CPSF6: variants seen among roughly 807,000 people sequenced by gnomAD.
The protein encoded by CPSF6 is cleavage and polyadenylation specific factor 6, also known as cleavage and polyadenylation specificity factor subunit 6.
A neutral mutation model predicts 56.7 loss-of-function variants in CPSF6; 10 were observed. The ratio of observed to expected loss-of-function variants is 0.18; its 90% CI spans 0.11 to 0.30. The LOEUF (loss-of-function observed/expected upper bound fraction) is 0.30, where lower values mean the gene tolerates loss of function less well. Ranked by LOEUF, CPSF6 falls within the 10% of genes least tolerant of loss-of-function variation. CPSF6 has a pLI of 1.00. For synonymous variants in CPSF6, 248 were observed against 244.8 expected, an observed-to-expected ratio of 1.01 and a Z score of -0.12; for missense variants, 419 against 722.9, an observed-to-expected ratio of 0.58 and a Z score of 4.82.
At chr12:69,250,839 G>A (rs1872209173) in intron 1 of CPSF6, among the ~76,000 whole-genome samples, 1 of 152,006 alleles carries the variant, frequency 6.6e-6, no homozygotes, top group African/African-American at 2.4e-5. Flanking sequence ...TAGAGACAGG[G>A]CTTCATCATG....
chr12:69,246,426 T>A (rs576596767), intron 1 of CPSF6, among the ~76,000 whole-genome samples: 102 of 152,318 alleles, frequency 6.7e-4, no homozygotes, highest in Non-Finnish European at 6.8e-4. Context: ...GCTAGAACTC[T>A]TCTCTATTTT....
At chr12:69,243,169 T>G (rs1871712670) in intron 1 of CPSF6, among the ~76,000 whole-genome samples, 1 of 152,200 alleles carries the variant, frequency 6.6e-6, no homozygotes, top group South Asian at 2.1e-4. Context: ...ATACAAAGTT[T>G]AGGTAGTCTC....
intron 1 of CPSF6, among the ~76,000 whole-genome samples, chr12:69,249,299 T>A (rs966793585): frequency 2.6e-5 from 4 of 151,360 alleles, no homozygotes; most frequent in Non-Finnish European, 1.5e-5. Flanking sequence ...AAATTAAAAT[T>A]AAAAAAATAC....
chr12:69,255,208 TGCATCA>T (rs1276284665), intron 3 of CPSF6: 1 of 152,276 alleles, frequency 6.6e-6, no homozygotes, highest in Non-Finnish European at 1.5e-5. Flanking sequence ...TGTTGAAGCA[TGCATCA>T]GCATTTCTTT....
At chr12:69,261,546 CAG>C (rs145743607) in intron 8 of CPSF6, among the ~76,000 whole-genome samples, 100 of 149,074 alleles carry the variant, frequency 6.7e-4, no homozygotes, top group Non-Finnish European at 7.0e-4. Flanking sequence ...GCCTGGGTGA[CAG>C]AGAGAGAGAG....
chr12:69,243,360 C>G (rs1871722661), intron 1 of CPSF6, among the ~76,000 whole-genome samples: 1 of 152,174 alleles, frequency 6.6e-6, no homozygotes, highest in South Asian at 2.1e-4. Flanking sequence ...GTAAACTGTT[C>G]TACAATCATG....
chr12:69,241,283 T>G (rs1871602386), intron 1 of CPSF6, among the ~76,000 whole-genome samples: 1 of 152,222 alleles, frequency 6.6e-6, no homozygotes, highest in African/African-American at 2.4e-5. Flanking sequence ...ACTTGAGTTG[T>G]GTCCATTACA....
chr12:69,241,643 A>G (rs566423732), intron 1 of CPSF6, among the ~76,000 whole-genome samples: 2 of 152,358 alleles, frequency 1.3e-5, no homozygotes, highest in Non-Finnish European at 2.9e-5. Flanking sequence ...TGCAGTAGCA[A>G]GTGCTGACTG....
At chr12:69,259,903 C>A in intron 7 of CPSF6, 141 bp from the exon 8 acceptor site, 1 of 825,550 alleles carries the variant, frequency 1.2e-6, no homozygotes, top group South Asian at 1.7e-5. Flanking sequence ...TGGTGAAACA[C>A]TGAAAGAAGA....
At chr12:69,264,430 A>G (rs1275849095) in intron 9 of CPSF6, among the ~76,000 whole-genome samples, 1 of 152,114 alleles carries the variant, frequency 6.6e-6, no homozygotes, top group African/African-American at 2.4e-5. Context: ...AACAAAGTCC[A>G]TTGTTAATCT....
chr12:69,240,235 C>A (rs1463550031), intron 1 of CPSF6, among the ~76,000 whole-genome samples: 1 of 152,186 alleles, frequency 6.6e-6, no homozygotes, highest in African/African-American at 2.4e-5. Context: ...CATGGAAGGC[C>A]GCGTTCACGG....
At chr12:69,264,095 T>TA (rs1253775933) in intron 9 of CPSF6, among the ~76,000 whole-genome samples, 1 of 152,082 alleles carries the variant, frequency 6.6e-6, no homozygotes, top group Non-Finnish European at 1.5e-5. Context: ...TCCCCTGAGT[T>TA]AAATACATCT....
intron 1 of CPSF6, among the ~76,000 whole-genome samples, chr12:69,250,822 T>C (rs939779628): frequency 2.0e-5 from 3 of 152,048 alleles, no homozygotes; most frequent in African/African-American, 7.2e-5. Context: ...AATTTTTGTA[T>C]GTTTAGTAGA....
rs1872640854 is a variant in CPSF6 at position 69,259,197 on chromosome 12, A to C, written c.1199+103A>C. The C allele has an allele frequency of 1.2e-5, 16 of 1,358,478 alleles. No individual in the cohort carries two copies. In the South Asian group the frequency reaches 2.4e-4, roughly 20 times the overall value. The allele number at this position is 1,358,478 out of a possible 1,614,324, so 84.2% of individuals were successfully genotyped here. A position where few individuals can be genotyped will look rare whatever the true frequency, so the allele number is the denominator to read the frequency against. On this transcript the variant is annotated intron_variant, in intron 6 of 9. Coordinates refer to ENST00000435070, the MANE Select transcript of CPSF6 (RefSeq NM_007007.3). The stretch of plus-strand genomic sequence containing the variant: ...TATAAATATGTTATTTCTGCCTTCC[A>C]AGAAGATGAGGTGTTTAAGCTGCTA...
In CPSF6 at chr12:69,274,109, C is replaced by CTTTTTTTTTTTTTTTTT. The variant is rs3051104; in HGVS notation, c.*4603_*4619dup. 8.4e-6 allele frequency: 1 copy of CTTTTTTTTTTTTTTTTT among 119,088 alleles called. No individual in the cohort carries two copies. The highest frequency in any genetic ancestry group is 1.7e-5 in the Non-Finnish European group (1 of 58,930). 7.4% of individuals were successfully genotyped at this position (119,088 alleles called of 1,614,324 possible). Reference sequence around the variant, plus strand: ...GTAAGGTGATAATTGATCTAATAGACTTTTTTTTTTTTTTTTTTGCTGTCC... The same window carrying CTTTTTTTTTTTTTTTTT: ...GTAAGGTGATAATTGATCTAATAGACTTTTTTTTTTTTTTTTTTTTTTTTTTTTTTTTTTTGCTGTCC... On this transcript the variant is annotated 3_prime_UTR_variant, in exon 10 of 10. Coordinates refer to ENST00000435070, the MANE Select transcript of CPSF6 (RefSeq NM_007007.3).
At chr12:69,245,155 C>T in intron 1 of CPSF6, among the ~76,000 whole-genome samples, 1 of 149,670 alleles carries the variant, frequency 6.7e-6, no homozygotes, top group Middle Eastern at 3.3e-3. Context: ...ATACATAAAC[C>T]AGTAACACAG....
intron 1 of CPSF6, among the ~76,000 whole-genome samples, chr12:69,242,964 C>T (rs529288490): frequency 1.3e-5 from 2 of 152,060 alleles, no homozygotes; most frequent in Admixed American, 1.3e-4. Context: ...AAAAATTGGC[C>T]GAGTATGGTG....
At chr12:69,266,805 G>A (rs1227386894) in intron 9 of CPSF6, among the ~76,000 whole-genome samples, 1 of 151,998 alleles carries the variant, frequency 6.6e-6, no homozygotes, top group Admixed American at 6.6e-5. Flanking sequence ...ATTTTACTGG[G>A]TTGTAAGAGC....
Position 69,260,102 on chromosome 12 carries a change from C to T in CPSF6, c.1374C>T (p.Ser458=), listed in dbSNP as rs1286252248. 6.2e-7 allele frequency: 1 copy of T among 1,612,824 alleles called. No homozygotes were observed. The highest frequency in any genetic ancestry group is 1.3e-5 in the African/African-American group (1 of 74,810). Residue 458 remains serine, a synonymous_variant, in exon 8 of 10, where the codon TCC becomes TCT. Coordinates refer to ENST00000435070, the MANE Select transcript of CPSF6 (RefSeq NM_007007.3). The part of the protein sequence containing the change: ...LVTAISLIKQ[S]KVSADDRCKV... ...CTGCAATTTCTTTAATTAAACAATC[C>T]AAAGTATCTGCTGATGATCGTTGCA...
Sources: allele counts gnomAD v4.1 joint callset (sites outside exome capture counted in the v4.1 genomes callset), GRCh38; gene constraint gnomAD v4.1.1; transcripts MANE v1.5; gene names NCBI Gene and HGNC (gene_info 2026-07-23, HGNC 2026-07-21).